The following PLPP7 variants were observed in gnomAD, a reference collection of about 807,000 sequenced individuals.
PLPP7 encodes phospholipid phosphatase 7 (inactive), also known as inactive phospholipid phosphatase 7.
Under a neutral mutation model 16.9 loss-of-function variants are expected in PLPP7, and 11 were observed. The observed-to-expected ratio is 0.65, with a 90% confidence interval of 0.41 to 1.08. PLPP7 has a LOEUF of 1.08. Ranked by LOEUF, PLPP7 falls within the 50% of genes least tolerant of loss-of-function variation. The probability of loss-of-function intolerance (pLI) is 0.00; values close to 1 mark genes in which losing one functional copy is unlikely to be tolerated. For synonymous variants in PLPP7, 174 were observed against 175.1 expected, an observed-to-expected ratio of 0.99 and a Z score of 0.05; for missense variants, 358 against 397.1, an observed-to-expected ratio of 0.90 and a Z score of 0.84.
intron 1 of PLPP7, among the ~76,000 whole-genome samples, chr9:131,306,102 T>C (rs940180420): frequency 1.3e-5 from 2 of 151,504 alleles, no homozygotes; most frequent in African/African-American, 2.4e-5. Flanking sequence ...CCAGGCGTAG[T>C]GGCAGGCGCC....
chr9:131,290,381 C>A lies in PLPP7; in HGVS notation c.384C>A (p.Gly128=). 1 of 1,602,324 alleles carries A rather than the reference C, an allele frequency of 6.2e-7. No homozygotes were observed. Among genetic ancestry groups the A allele is most frequent in the Non-Finnish European group, 8.5e-7 (1 of 1,174,648 alleles). ...GCCACGGCATCCCCTGGATCGGAGG[C>A]ACCATCCTCTGCCTGGTGAAGAGCA... ...ITGHGIPWIG[G]TILCLVKSST... The change falls in exon 1 of 2, where the codon GGC becomes GGA. Residue 128 remains glycine (G), a synonymous_variant. Transcript: ENST00000372264. This position sits in a 1 kb window ranked among gnomAD's most constrained non-coding sequence, Gnocchi z 4.2.
In PLPP7 at chr9:131,296,253, G is replaced by A. The variant is rs114681292; in HGVS notation, c.451+5805G>A. Among the ~76,000 whole-genome samples, 1,173 of 152,052 alleles carry A rather than the reference G, an allele frequency of 7.7e-3. 17 individuals carry two copies. The highest frequency in any genetic ancestry group is 0.027 in the African/African-American group (1,119 of 41,490). On this transcript the variant is annotated intron_variant, in intron 1 of 1. Coordinates refer to ENST00000372264, the MANE Select transcript of PLPP7 (RefSeq NM_032728.4). ...GTATTTTTTGTTTGTTTTTTGTTTC[G>A]TTTTGGGGGTTTTAGTTTGTTTGTT... is the stretch of plus-strand genomic sequence containing the variant.
rs142737253 is a variant in PLPP7 at position 131,295,822 on chromosome 9, G to A, written c.451+5374G>A. On this transcript the variant is annotated intron_variant, in intron 1 of 1. Transcript: ENST00000372264. This position sits in a 1 kb window ranked among gnomAD's most constrained non-coding sequence, Gnocchi z 4.0. Reference sequence around the variant, plus strand: ...CCTCGAGGTCCATCCATGCTGTAGCGGGCGCCGGCATTTCCTTCCTCTCTA... The same window carrying A: ...CCTCGAGGTCCATCCATGCTGTAGCAGGCGCCGGCATTTCCTTCCTCTCTA... Among the ~76,000 whole-genome samples the A allele has an allele frequency of 1.1e-4, 17 of 152,154 alleles. No individual in the cohort carries two copies. In the East Asian group the frequency reaches 3.1e-3, roughly 28 times the overall value.
At chr9:131,302,023 T>C (rs1835804194) in intron 1 of PLPP7, among the ~76,000 whole-genome samples, 1 of 152,114 alleles carries the variant, frequency 6.6e-6, no homozygotes, top group Non-Finnish European at 1.5e-5. Flanking sequence ...TTCACCATGT[T>C]GGCCAGGCTG....
rs182130945 is a variant in PLPP7, at chr9:131,298,750, C to A, written c.451+8302C>A. 2.2e-3 allele frequency among the ~76,000 whole-genome samples: 336 copies of A among 152,362 alleles called. 1 individual carries two copies. Among genetic ancestry groups the A allele is most frequent in the African/African-American group, 7.8e-3 (324 of 41,574 alleles). ...TTCTCCAAGAAAGCCCTGGCTCCTG[C>A]CTGGCCTCTGGGAGCCTCCAGCACT... On this transcript the variant is annotated intron_variant, in intron 1 of 1. Coordinates refer to ENST00000372264, the MANE Select transcript of PLPP7 (RefSeq NM_032728.4).
chr9:131,292,995 G>A (rs543778042), intron 1 of PLPP7: 1 of 979,336 alleles, frequency 1.0e-6, no homozygotes, highest in South Asian at 4.7e-5. Context: ...AAAACATCAT[G>A]TATTGAGCTT....
At chr9:131,298,503 C>G (rs906867136) in intron 1 of PLPP7, among the ~76,000 whole-genome samples, 1 of 152,298 alleles carries the variant, frequency 6.6e-6, no homozygotes, top group East Asian at 1.9e-4. Context: ...CCACCCCTAC[C>G]CCACTAGCCC....
chr9:131,296,669 T>G (rs1330298069), intron 1 of PLPP7, among the ~76,000 whole-genome samples: 1 of 152,208 alleles, frequency 6.6e-6, no homozygotes, highest in Non-Finnish European at 1.5e-5. Flanking sequence ...TTGGGTCACG[T>G]GCCCCTGGAT....
chr9:131,290,119 A>G lies in PLPP7; in HGVS notation c.122A>G (p.Lys41Arg), dbSNP rs754212202. The G allele has an allele frequency of 6.5e-7, 1 of 1,536,992 alleles. No individual in the cohort carries two copies. Among genetic ancestry groups the G allele is most frequent in the Non-Finnish European group, 8.8e-7 (1 of 1,140,430 alleles). ...CCGGAGCCCCGCAGCTCGGGCAGAA[A>G]GGCCTCGGGCCCATCAGCACAGCCC... ...GGPEPRSSGR[K>R]ASGPSAQPPP... The change falls in exon 1 of 2, where the codon AAG becomes AGG. Residue 41 changes from lysine (K) to arginine (R), a missense_variant. Coordinates refer to ENST00000372264, the MANE Select transcript of PLPP7 (RefSeq NM_032728.4). This position sits in a 1 kb window ranked among gnomAD's most constrained non-coding sequence, Gnocchi z 4.2.
At chr9:131,301,132 C>A (rs1466983545) in intron 1 of PLPP7, among the ~76,000 whole-genome samples, 2 of 152,106 alleles carry the variant, frequency 1.3e-5, no homozygotes, top group African/African-American at 2.4e-5. Flanking sequence ...CCACATCCAG[C>A]TAATTTTTGT....
At chr9:131,297,386 CT>C (rs10706585) in intron 1 of PLPP7, among the ~76,000 whole-genome samples, 90,230 of 136,928 alleles carry the variant, frequency 0.66, 29,884 homozygotes, top group Middle Eastern at 0.76. Context: ...CAGGTGGAGT[CT>C]TTTTTTTTTT....
At chr9:131,307,834 AG>A (rs1245416933) in intron 1 of PLPP7, 88 bp from the exon 2 acceptor site, 9 of 1,334,584 alleles carry the variant, frequency 6.7e-6, no homozygotes, top group Non-Finnish European at 9.0e-6. Context: ...AGGAGCAGAA[AG>A]GGGAGGCGAG....
In PLPP7 at chr9:131,308,179, C is replaced by T. The variant is rs376138416; in HGVS notation, c.708C>T (p.His236=). The T allele has an allele frequency of 2.5e-5, 40 of 1,600,064 alleles. No individual in the cohort carries two copies. In the African/African-American group the frequency reaches 2.8e-4, roughly 11 times the overall value. The part of the protein sequence containing the change: ...GLSRVMIGRH[H]VTDVLSGFVI... ...CCCGCGTGATGATCGGCCGCCACCACGTCACGGACGTCCTCTCCGGCTTTG... is the reference window on the plus strand; with the variant it reads ...CCCGCGTGATGATCGGCCGCCACCATGTCACGGACGTCCTCTCCGGCTTTG... Residue 236 remains histidine, a synonymous_variant, in exon 2 of 2, where the codon CAC becomes CAT. Transcript: ENST00000372264.
rs1381130278 is a variant in PLPP7, at chr9:131,308,229, T to C, written c.758T>C (p.Leu253Pro). 10 of 1,599,292 alleles carry C rather than the reference T, an allele frequency of 6.3e-6. No homozygotes were observed. Among genetic ancestry groups the C allele is most frequent in the African/African-American group, 1.3e-5 (1 of 74,922 alleles). Residue 253 changes from leucine to proline, a missense_variant, in exon 2 of 2, where the codon CTG (leucine) becomes CCG (proline). Transcript: ENST00000372264. ...GFVIGYLQFRLVELVWMPSST... is the reference protein window; with the variant it reads ...GFVIGYLQFRPVELVWMPSST... ...GTCATCGGCTACCTCCAGTTCCGTC[T>C]GGTGGAGCTGGTCTGGATGCCCTCC...
At position 131,308,004 on chromosome 9, in the gene PLPP7, T is replaced by C. The variant is rs998088802; in HGVS notation, c.533T>C (p.Leu178Pro). The C allele has an allele frequency of 3.7e-6, 6 of 1,600,752 alleles. No individual in the cohort carries two copies. The African/African-American group carries it at 6.7e-5, about 18-fold the overall frequency. The change falls in exon 2 of 2, where the codon CTC becomes CCC. Residue 178 changes from leucine (L) to proline (P), a missense_variant. Leu to Pro is a moderately conservative substitution (Grantham distance 98). Coordinates refer to ENST00000372264, the MANE Select transcript of PLPP7 (RefSeq NM_032728.4). The stretch of plus-strand genomic sequence containing the variant: ...GGCCCGTACGAGACGAGCCCCAGCC[T>C]CCTGGACTACCTCACCATGGACATC... ...RRGPYETSPS[L>P]LDYLTMDIYA...
rs35866264 is a variant in PLPP7 at position 131,308,197 on chromosome 9, C to T, written c.726C>T (p.Ser242=). The T allele has an allele frequency of 7.9e-4, 1,264 of 1,600,000 alleles. 15 individuals are homozygous for T. In the African/African-American group the frequency reaches 0.015, roughly 19 times the overall value. ...IGRHHVTDVL[S]GFVIGYLQFR... is the part of the protein sequence containing the mutation. ...GCCACCACGTCACGGACGTCCTCTC[C>T]GGCTTTGTCATCGGCTACCTCCAGT... Residue 242 remains serine (S), a synonymous_variant, in exon 2 of 2, where the codon TCC becomes TCT. Coordinates refer to ENST00000372264, the MANE Select transcript of PLPP7 (RefSeq NM_032728.4).
At position 131,289,789 on chromosome 9, in the gene PLPP7, G is replaced by C. The variant is rs1193212803; in HGVS notation, c.-209G>C. 2 of 412,930 alleles carry C rather than the reference G, an allele frequency of 4.8e-6. No individual in the cohort carries two copies. Among genetic ancestry groups the C allele is most frequent in the Non-Finnish European group, 4.2e-6 (1 of 238,964 alleles). The allele number at this position is 412,930 out of a possible 1,614,324, so 25.6% of individuals were successfully genotyped here. A position where few individuals can be genotyped will look rare whatever the true frequency, so the allele number is the denominator to read the frequency against. On this transcript the variant is annotated 5_prime_UTR_variant, in exon 1 of 2. Transcript: ENST00000372264. ...AGGCCCCGCATTGGAGGGCTCGATT[G>C]GCTGCCCGGCTGGCACTGACGTCCC...
chr9:131,298,245 C>T lies in PLPP7; in HGVS notation c.451+7797C>T, dbSNP rs1012554188. ...TCTGATTCCGAAGCCAAATGCCCTT[C>T]GGGAAGTTCAGACCGATTTACACAC... On this transcript the variant is annotated intron_variant, in intron 1 of 1. Coordinates refer to ENST00000372264, the MANE Select transcript of PLPP7 (RefSeq NM_032728.4). Among the ~76,000 whole-genome samples, 33 of 152,218 alleles carry T rather than the reference C, an allele frequency of 2.2e-4. No individual in the cohort carries two copies. The South Asian group carries it at 2.7e-3, about 12-fold the overall frequency.
chr9:131,300,960 T>G (rs891864373), intron 1 of PLPP7, among the ~76,000 whole-genome samples: 1 of 151,952 alleles, frequency 6.6e-6, no homozygotes, highest in Non-Finnish European at 1.5e-5. Context: ...TTTTATTTAT[T>G]TATGTATTTA....
Sources: gnomAD v4.1 joint callset for allele counts (sites outside exome capture counted in the v4.1 genomes callset) on GRCh38, gnomAD v4.1.1 for gene constraint, Gnocchi (gnomAD v3.1) non-coding constraint, MANE v1.5 for transcripts, NCBI Gene and HGNC (gene_info 2026-07-23, HGNC 2026-07-21) for gene names.